Variants in NREP observed in about 807,000 individuals in gnomAD.
The protein encoded by NREP is neuronal regeneration related protein.
In NREP, 5 loss-of-function variants were observed where a neutral mutation model predicts 8.6. The ratio of observed to expected loss-of-function variants is 0.58; its 90% CI spans 0.30 to 1.22. The LOEUF (loss-of-function observed/expected upper bound fraction) is 1.22, where lower values mean the gene tolerates loss of function less well. Among genes scored for constraint, NREP ranks in the 50% most tolerant of loss-of-function variants. The probability of loss-of-function intolerance (pLI) is 0.07; values close to 1 mark genes in which losing one functional copy is unlikely to be tolerated. For synonymous variants in NREP, 27 were observed against 28.0 expected (o/e 0.96, Z 0.11); for missense variants, 86 against 82.5 (o/e 1.04, Z -0.17).
At chr5:111,965,434 T>C in intron 2 of NREP, among the ~76,000 whole-genome samples, 1 of 152,190 alleles carries the variant, frequency 6.6e-6, no homozygotes, top group East Asian at 1.9e-4. Flanking sequence ...TGTCATTAAA[T>C]ATGATGATGT....
chr5:111,774,746 GATT>G (rs550577484), intron 2 of NREP, among the ~76,000 whole-genome samples: 90 of 152,306 alleles, frequency 5.9e-4, no homozygotes, highest in South Asian at 1.9e-3. Flanking sequence ...TTTAGAAGTG[GATT>G]AACTGCCAGA....
chr5:111,897,896 A>G (rs1754549308), intron 2 of NREP, among the ~76,000 whole-genome samples: 1 of 152,162 alleles, frequency 6.6e-6, no homozygotes, highest in African/African-American at 2.4e-5. Flanking sequence ...GTAAAATTTG[A>G]TTGCTTTTTT....
chr5:111,773,432 G>C (rs1161528810), intron 2 of NREP, among the ~76,000 whole-genome samples: 3 of 152,124 alleles, frequency 2.0e-5, no homozygotes, highest in Admixed American at 2.0e-4. Context: ...CATAAACCAA[G>C]AATTAGCAGC....
intron 2 of NREP, among the ~76,000 whole-genome samples, chr5:111,889,875 G>A (rs192443121): frequency 2.4e-3 from 372 of 152,200 alleles, no homozygotes; most frequent in Non-Finnish European, 3.4e-3. Context: ...ATTCTCTTGC[G>A]GGCAGGGGTG....
intron 1 of NREP, 48 bp from the exon 2 acceptor site, chr5:111,755,878 C>G: frequency 6.2e-7 from 1 of 1,600,268 alleles, no homozygotes; most frequent in Non-Finnish European, 8.5e-7. Flanking sequence ...CACCACAGGT[C>G]AGCAAACGAA....
chr5:111,752,176 C>G (rs1404838214), intron 2 of NREP, among the ~76,000 whole-genome samples: 1 of 152,174 alleles, frequency 6.6e-6, no homozygotes, highest in African/African-American at 2.4e-5. Context: ...TGATTTACAT[C>G]TTTTAAAGAA....
chr5:111,948,587 TGCCTAACG>T (rs1756060982), intron 2 of NREP, among the ~76,000 whole-genome samples: 1 of 152,088 alleles, frequency 6.6e-6, no homozygotes, highest in South Asian at 2.1e-4. Flanking sequence ...CTGACAACTG[TGCCTAACG>T]GCCATGCAAA....
chr5:111,928,221 T>C (rs1388655918), intron 2 of NREP, among the ~76,000 whole-genome samples: 2 of 151,992 alleles, frequency 1.3e-5, no homozygotes, highest in African/African-American at 4.8e-5. Flanking sequence ...GACTTTTAAG[T>C]TAACATCTAG....
chr5:111,963,746 A>G (rs1756546487), intron 2 of NREP, among the ~76,000 whole-genome samples: 2 of 152,372 alleles, frequency 1.3e-5, no homozygotes, highest in South Asian at 4.1e-4. Context: ...GAAGGGACTC[A>G]GTTGGTTCAA....
chr5:111,842,620 C>A (rs975859053), intron 2 of NREP, among the ~76,000 whole-genome samples: 44 of 152,086 alleles, frequency 2.9e-4, no homozygotes, highest in African/African-American at 1.0e-3. Flanking sequence ...AATGTGTATA[C>A]TATCATTACA....
intron 2 of NREP, among the ~76,000 whole-genome samples, chr5:111,804,350 TC>T (rs771824470): frequency 3.3e-5 from 5 of 152,132 alleles, no homozygotes; most frequent in African/African-American, 4.8e-5. Context: ...ACAGTTCAGA[TC>T]CTACAAAAGA....
At chr5:111,812,660 T>C (rs112251205) in intron 2 of NREP, among the ~76,000 whole-genome samples, 1,562 of 152,304 alleles carry the variant, frequency 0.01, 29 homozygotes, top group African/African-American at 0.036. Flanking sequence ...ATTAAGTATT[T>C]GGGACCCTTA....
intron 2 of NREP, among the ~76,000 whole-genome samples, chr5:111,780,057 T>C (rs184217395): frequency 3.9e-5 from 6 of 152,256 alleles, no homozygotes; most frequent in African/African-American, 4.8e-5. Context: ...GAGGGGGAAA[T>C]TGTCATTTTA....
intron 2 of NREP, among the ~76,000 whole-genome samples, chr5:111,943,895 A>G (rs1412831802): frequency 6.6e-6 from 1 of 152,096 alleles, no homozygotes; most frequent in Non-Finnish European, 1.5e-5. Flanking sequence ...CGTTTTTTGC[A>G]TTCAAGAAAA....
chr5:111,772,427 T>G (rs888160413), intron 2 of NREP, among the ~76,000 whole-genome samples: 3 of 152,244 alleles, frequency 2.0e-5, no homozygotes, highest in Non-Finnish European at 2.9e-5. Flanking sequence ...ATCATTAATA[T>G]ACAAAACTTT....
At chr5:111,734,690 G>T in intron 3 of NREP, 1 of 698,908 alleles carries the variant, frequency 1.4e-6, no homozygotes, top group South Asian at 1.5e-5. Flanking sequence ...TTACACTTAT[G>T]AAACTTTCAA....
chr5:111,809,533 G>GGATTAGTTCTT (rs1490313524), intron 2 of NREP, among the ~76,000 whole-genome samples: 1 of 152,168 alleles, frequency 6.6e-6, no homozygotes. Flanking sequence ...AGGTGAGACT[G>GGATTAGTTCTT]GATTAGTTCT....
At chr5:111,798,564 G>A (rs1751925759) in intron 2 of NREP, among the ~76,000 whole-genome samples, 1 of 152,022 alleles carries the variant, frequency 6.6e-6, no homozygotes, top group South Asian at 2.1e-4. Flanking sequence ...TCATTCTTAT[G>A]CCTTTGCATC....
chr5:111,815,623 T>G (rs1174357309), intron 2 of NREP, among the ~76,000 whole-genome samples: 1 of 151,838 alleles, frequency 6.6e-6, no homozygotes, highest in Non-Finnish European at 1.5e-5. Flanking sequence ...ATATAAAGAA[T>G]TAAAATAAGA....
Sources: allele counts gnomAD v4.1 joint callset (sites outside exome capture counted in the v4.1 genomes callset), GRCh38; gene constraint gnomAD v4.1.1; transcripts MANE v1.5; gene names NCBI Gene and HGNC (gene_info 2026-07-23, HGNC 2026-07-21).